ULK4: variants seen among roughly 807,000 people sequenced by gnomAD.
ULK4 encodes the protein inactive serine/threonine-protein kinase ULK4.
A neutral mutation model predicts 160.6 loss-of-function variants in ULK4; 133 were observed. The ratio of observed to expected loss-of-function variants is 0.83; its 90% CI spans 0.72 to 0.96. The LOEUF is 0.96. ULK4 is among the 40% of genes least tolerant of loss of function. ULK4 has a pLI of 0.00. For missense variants in ULK4, 1,580 were observed against 1,499.5 expected (o/e 1.05, Z -0.89); for synonymous variants, 534 against 539.8 (o/e 0.99, Z 0.15).
chr3:41,479,987 C>A (rs1164539445), intron 32 of ULK4, among the ~76,000 whole-genome samples: 1 of 151,948 alleles, frequency 6.6e-6, no homozygotes, highest in Non-Finnish European at 1.5e-5. Flanking sequence ...GCAGGCGGAT[C>A]GAGAGGTCAG....
At chr3:41,837,525 T>C (rs1280404948) in intron 17 of ULK4, among the ~76,000 whole-genome samples, 1 of 152,116 alleles carries the variant, frequency 6.6e-6, no homozygotes, top group African/African-American at 2.4e-5. Context: ...TTCAGCATAA[T>C]GCATTTGAGA....
chr3:41,922,912 T>G (rs1234419000), intron 5 of ULK4, among the ~76,000 whole-genome samples: 1 of 151,892 alleles, frequency 6.6e-6, no homozygotes, highest in Non-Finnish European at 1.5e-5. Context: ...TGCCTCACAC[T>G]TGTAATGCCA....
intron 32 of ULK4, among the ~76,000 whole-genome samples, chr3:41,539,336 C>T (rs188876230): frequency 9.9e-4 from 150 of 152,146 alleles, no homozygotes; most frequent in African/African-American, 3.4e-3. Flanking sequence ...AAGCAGCAGC[C>T]GACAGCAGGC....
chr3:41,870,718 T>C (rs1212951091), intron 17 of ULK4, among the ~76,000 whole-genome samples: 1 of 151,536 alleles, frequency 6.6e-6, no homozygotes, highest in African/African-American at 2.4e-5. Flanking sequence ...CAACTACCAC[T>C]GCAATCAAAA....
chr3:41,842,190 T>A (rs58940436), intron 17 of ULK4, among the ~76,000 whole-genome samples: 13,174 of 68,246 alleles, frequency 0.19, 1,700 homozygotes, highest in African/African-American at 0.51. Flanking sequence ...AAAAAAAAAA[T>A]AAAAAAAAAG....
chr3:41,762,462 C>T (rs996351101), intron 21 of ULK4, among the ~76,000 whole-genome samples: 3 of 151,956 alleles, frequency 2.0e-5, no homozygotes, highest in African/African-American at 7.3e-5. Context: ...TTGTATTAGC[C>T]TATTCTCACA....
intron 35 of ULK4, among the ~76,000 whole-genome samples, chr3:41,345,057 C>G (rs2080771960): frequency 6.6e-6 from 1 of 152,048 alleles, no homozygotes; most frequent in Non-Finnish European, 1.5e-5. Flanking sequence ...TAGAGAAATG[C>G]AAATCAAAAC....
chr3:41,919,937 A>G, intron 5 of ULK4, 119 bp from the exon 6 acceptor site: 1 of 550,430 alleles, frequency 1.8e-6, no homozygotes, highest in Non-Finnish European at 3.3e-6. Context: ...CGCATGAATA[A>G]AACTTCATGT....
At chr3:41,949,775 C>T (rs965248979) in intron 2 of ULK4, among the ~76,000 whole-genome samples, 6 of 147,592 alleles carry the variant, frequency 4.1e-5, no homozygotes, top group Non-Finnish European at 7.4e-5. Flanking sequence ...GTGTCTCTGT[C>T]GCCCAGGCGG....
intron 34 of ULK4, among the ~76,000 whole-genome samples, chr3:41,426,240 T>C (rs1347479302): frequency 1.3e-5 from 2 of 152,200 alleles, no homozygotes; most frequent in Non-Finnish European, 2.9e-5. Context: ...ATCCTAAATA[T>C]ATATGCACCC....
intron 21 of ULK4, among the ~76,000 whole-genome samples, chr3:41,775,671 T>C (rs2125926732): frequency 6.6e-6 from 1 of 150,896 alleles, no homozygotes; most frequent in Admixed American, 6.5e-5. Flanking sequence ...AGTGCTGGGA[T>C]TACAGGCATG....
intron 17 of ULK4, among the ~76,000 whole-genome samples, chr3:41,878,954 C>G (rs1045525963): frequency 1.9e-4 from 29 of 151,830 alleles, no homozygotes; most frequent in Non-Finnish European, 2.1e-4. Context: ...AGCAGCCATG[C>G]GCAAGAAAGG....
At chr3:41,861,812 T>C (rs965424662) in intron 17 of ULK4, among the ~76,000 whole-genome samples, 2 of 152,108 alleles carry the variant, frequency 1.3e-5, no homozygotes, top group Non-Finnish European at 2.9e-5. Context: ...CTAGATCTTG[T>C]AGGCGTGCTT....
chr3:41,691,926 TCTTCATCAAATCA>T (rs2036313137), intron 27 of ULK4, among the ~76,000 whole-genome samples: 1 of 147,692 alleles, frequency 6.8e-6, no homozygotes, highest in South Asian at 2.1e-4. Context: ...CTAAAAATTA[TCTTCATCAAATCA>T]CTTCTTTTTT....
Position 41,898,426 on chromosome 3 carries a change from T to C in ULK4, c.1348+6A>G. On this transcript the variant is annotated splice_donor_region_variant and intron_variant, in intron 14 of 36. Coordinates refer to ENST00000301831, the MANE Select transcript of ULK4 (RefSeq NM_017886.4). ...TACATGTTCGATAAGTCCTTTATGATCCTACCTGAATATGTTGGTAGATGC... is the reference window on the plus strand; with the variant it reads ...TACATGTTCGATAAGTCCTTTATGACCCTACCTGAATATGTTGGTAGATGC... 2 of 1,573,902 alleles carry C rather than the reference T, an allele frequency of 1.3e-6. No individual in the cohort carries two copies. Among genetic ancestry groups the C allele is most frequent in the Non-Finnish European group, 1.7e-6 (2 of 1,153,790 alleles).
chr3:41,810,815 T>C (rs60943892), intron 19 of ULK4, among the ~76,000 whole-genome samples: 18,836 of 152,194 alleles, frequency 0.12, 1,347 homozygotes, highest in Middle Eastern at 0.27. Flanking sequence ...ATTGGCTTAT[T>C]TCCTTTTTTT....
intron 19 of ULK4, among the ~76,000 whole-genome samples, chr3:41,800,776 G>C (rs1268298751): frequency 6.6e-6 from 1 of 152,152 alleles, no homozygotes; most frequent in Non-Finnish European, 1.5e-5. Flanking sequence ...TCCTAAGAAA[G>C]GTATTGCTTC....
At chr3:41,616,494 T>C (rs114117168) in intron 30 of ULK4, among the ~76,000 whole-genome samples, 8 of 152,230 alleles carry the variant, frequency 5.3e-5, no homozygotes, top group South Asian at 2.1e-4. Context: ...CACAGAGGGA[T>C]AGCAGAAGCA....
intron 35 of ULK4, among the ~76,000 whole-genome samples, chr3:41,259,525 G>A (rs1487948669): frequency 6.6e-6 from 1 of 152,148 alleles, no homozygotes; most frequent in East Asian, 1.9e-4. Context: ...ATCTAAGACT[G>A]GTGCCTATAC....
Sources: gnomAD v4.1 joint callset for allele counts (sites outside exome capture counted in the v4.1 genomes callset) on GRCh38, gnomAD v4.1.1 for gene constraint, MANE v1.5 for transcripts, NCBI Gene and HGNC (gene_info 2026-07-23, HGNC 2026-07-21) for gene names.